Variants in ANK3 observed in about 807,000 individuals in gnomAD.
ANK3 encodes ankyrin 3.
Under a neutral mutation model 370.9 loss-of-function variants are expected in ANK3, and 57 were observed. The observed-to-expected ratio is 0.15, with a 90% CI of 0.12 to 0.19. The LOEUF (loss-of-function observed/expected upper bound fraction) is 0.19. Ranked by LOEUF, ANK3 falls within the 10% of genes least tolerant of loss-of-function variation. The pLI, the probability that ANK3 is intolerant of heterozygous loss-of-function variation, is 1.00. For missense variants in ANK3, 4,439 were observed against 5,302.1 expected, an observed-to-expected ratio of 0.84 and a Z score of 5.06; for synonymous variants, 1,929 against 1,946.3, an observed-to-expected ratio of 0.99 and a Z score of 0.23.
At chr10:60,181,231 T>C in intron 18 of ANK3, 98 bp downstream of exon 18, 1 of 1,058,462 alleles carries the variant, frequency 9.4e-7, no homozygotes. Flanking sequence ...AAAGAGATGA[T>C]TAAAGGGTTT....
At chr10:60,199,606 G>A (rs1417588387) in intron 13 of ANK3, among the ~76,000 whole-genome samples, 2 of 151,852 alleles carry the variant, frequency 1.3e-5, no homozygotes, top group African/African-American at 2.4e-5. Context: ...TAGCCTGACC[G>A]AACTATCTAT....
Position 60,432,631 on chromosome 10 carries a change from G to C in ANK3, c.97-152992C>G, listed in dbSNP as rs544380020. On this transcript the variant is annotated intron_variant, in intron 2 of 43. Transcript: ENST00000373827. The stretch of plus-strand genomic sequence containing the variant: ...ATAATGATGACAAAATAATAAAAAG[G>C]GATAACTTTTAGAACACGGAGTTGC... Among the ~76,000 whole-genome samples the C allele has an allele frequency of 1.8e-3, 280 of 152,228 alleles. 5 individuals are homozygous for C. Among genetic ancestry groups the C allele is most frequent in the Non-Finnish European group, 9.1e-4 (62 of 68,012 alleles).
At position 60,581,597 on chromosome 10, in the gene ANK3, ATT is replaced by A. The variant is rs67585866; in HGVS notation, c.96+33587_96+33588del. The stretch of plus-strand genomic sequence containing the variant: ...CTGCCACCATGCCTGGCTAATTATT[ATT>A]TTTTTTTTTTTGTAGTTTTTAGTAG... On this transcript the variant is annotated intron_variant, in intron 2 of 43. Coordinates refer to the ANK3 transcript ENST00000373827. Among the ~76,000 whole-genome samples, 15 of 137,820 alleles carry A rather than the reference ATT, an allele frequency of 1.1e-4. No individual in the cohort carries two copies. The East Asian group carries it at 2.5e-3, about 23-fold the overall frequency. The allele number at this position is 137,820 out of a possible 152,430, so 90.4% of individuals were successfully genotyped here. A position where few individuals can be genotyped will look rare whatever the true frequency, so the allele number is the denominator to read the frequency against.
chr10:60,179,943 C>G (rs1308510845), intron 18 of ANK3, among the ~76,000 whole-genome samples: 3 of 152,050 alleles, frequency 2.0e-5, no homozygotes, highest in Admixed American at 1.3e-4. Flanking sequence ...ACCTTGCCTT[C>G]TAGAGTTTTA....
At chr10:60,469,287 G>GTA (rs72512558) in intron 2 of ANK3, among the ~76,000 whole-genome samples, 563 of 902 alleles carry the variant, frequency 0.62, 219 homozygotes, top group South Asian at 0.83. Context: ...TTTAGTGTGT[G>GTA]TATATATATA....
rs2083583844 is a variant in ANK3, at chr10:60,075,494, G to A, written c.5387C>T (p.Ser1796Phe). The stretch of plus-strand genomic sequence containing the variant: ...AAGGGATGTATAGAGTGCACTTGCG[G>A]AAGGAGTTCTTAGAGACTGAAAAGC... ...PSAFQSLRTP[S>F]ASALYTSLGS... Residue 1796 changes from serine (S) to phenylalanine (F), a missense_variant, in exon 37 of 44, where the codon TCC becomes TTC. By Grantham distance (155) the Ser-to-Phe change is radical (BLOSUM62 -2). This residue lies in a region of ANK3 where 679 missense variants were observed against 791.0 expected (regional missense o/e 0.86). Coordinates refer to ENST00000280772, the MANE Select transcript of ANK3 (RefSeq NM_020987.5). The A allele has an allele frequency of 6.2e-7, 1 of 1,613,284 alleles. No homozygotes were observed. The highest frequency in any genetic ancestry group is 1.3e-5 in the African/African-American group (1 of 75,056).
chr10:60,495,066 T>C (rs1261376636), intron 2 of ANK3, among the ~76,000 whole-genome samples: 1 of 152,090 alleles, frequency 6.6e-6, no homozygotes, highest in South Asian at 2.1e-4. Context: ...ACTCATTCTT[T>C]TGTAAAAAAG....
chr10:60,547,896 A>G (rs966988758), intron 2 of ANK3, among the ~76,000 whole-genome samples: 1 of 152,220 alleles, frequency 6.6e-6, no homozygotes, highest in Admixed American at 6.5e-5. Context: ...TCTGGACATC[A>G]TAGCCCTAAG....
At chr10:60,391,926 A>T (rs1456213773), upstream of ANK3, among the ~76,000 whole-genome samples, 1 of 152,212 alleles carries the variant, frequency 6.6e-6, no homozygotes, top group African/African-American at 2.4e-5. Context: ...GTAAGTGGTT[A>T]GCCCATCAAA....
chr10:60,199,659 A>C (rs568575360), intron 13 of ANK3, among the ~76,000 whole-genome samples: 2 of 152,188 alleles, frequency 1.3e-5, no homozygotes, highest in South Asian at 4.2e-4. Context: ...CAGGTGAAAT[A>C]CGAGGCCAAT....
chr10:60,562,879 G>A (rs1035013220), intron 2 of ANK3, among the ~76,000 whole-genome samples: 12 of 152,096 alleles, frequency 7.9e-5, no homozygotes, highest in South Asian at 2.1e-4. Context: ...TGTGCTAATC[G>A]TGCAATATTA....
intron 10 of ANK3, 91 bp from the exon 11 acceptor site, chr10:60,205,981 T>G: frequency 1.2e-6 from 1 of 815,456 alleles, no homozygotes; most frequent in South Asian, 1.5e-5. Context: ...TAAAATGATG[T>G]GTGGTAAATT....
chr10:60,082,800 T>A, intron 33 of ANK3, 63 bp from the exon 34 acceptor site: 1 of 1,538,264 alleles, frequency 6.5e-7, no homozygotes, highest in East Asian at 2.3e-5. Context: ...TTTAACTGTA[T>A]AAGAGTTAAG....
intron 2 of ANK3, among the ~76,000 whole-genome samples, chr10:60,601,230 A>G (rs977448159): frequency 6.6e-6 from 1 of 151,450 alleles, no homozygotes; most frequent in Admixed American, 6.6e-5. Flanking sequence ...CCCCCTCTCA[A>G]GGAAATGGAT....
intron 1 of ANK3, among the ~76,000 whole-genome samples, chr10:60,699,880 T>C (rs2079523122): frequency 6.6e-6 from 1 of 152,196 alleles, no homozygotes; most frequent in Non-Finnish European, 1.5e-5. Flanking sequence ...AATCACATCA[T>C]CAACAACTGT....
intron 2 of ANK3, among the ~76,000 whole-genome samples, chr10:60,422,023 G>T (rs536850600): frequency 8.5e-4 from 130 of 152,168 alleles, no homozygotes; most frequent in African/African-American, 3.0e-3. Flanking sequence ...TTAGACAAAA[G>T]TTCAAATCAG....
intron 1 of ANK3, among the ~76,000 whole-genome samples, chr10:60,711,381 T>A (rs1816799): frequency 3.7e-4 from 56 of 150,498 alleles, no homozygotes; most frequent in Non-Finnish European, 6.5e-4. Context: ...TGAATAAAAA[T>A]AAATAAATAA....
intron 2 of ANK3, among the ~76,000 whole-genome samples, chr10:60,442,159 G>A (rs914593059): frequency 2.0e-5 from 3 of 150,390 alleles, no homozygotes; most frequent in South Asian, 4.2e-4. Context: ...GTAGTGGGGC[G>A]ATCTTGACTC....
intron 28 of ANK3, among the ~76,000 whole-genome samples, chr10:60,094,833 A>G (rs1317340911): frequency 6.6e-6 from 1 of 152,266 alleles, no homozygotes; most frequent in Admixed American, 6.5e-5. Flanking sequence ...GATTAGCATT[A>G]ATAAATATTA....
Sources: allele counts gnomAD v4.1 joint callset (sites outside exome capture counted in the v4.1 genomes callset), GRCh38; gene constraint gnomAD v4.1.1; regional missense constraint gnomAD v4.1.1; transcripts MANE v1.5; gene names NCBI Gene and HGNC (gene_info 2026-07-23, HGNC 2026-07-21).